The following TVP23A variants were observed in gnomAD, a reference collection of about 807,000 sequenced individuals.
TVP23A encodes Golgi apparatus membrane protein TVP23 homolog A.
Under a neutral mutation model 31.7 loss-of-function variants are expected in TVP23A, and 21 were observed. The ratio of observed to expected loss-of-function variants is 0.66; its 90% CI spans 0.47 to 0.95. TVP23A has a LOEUF of 0.95. Ranked by LOEUF, TVP23A falls within the 40% of genes least tolerant of loss-of-function variation. TVP23A has a pLI of 0.00. For missense variants in TVP23A, 279 were observed against 255.6 expected (o/e 1.09, Z -0.62); for synonymous variants, 104 against 96.0 (o/e 1.08, Z -0.49).
downstream of TVP23A, among the ~76,000 whole-genome samples, chr16:10,758,542 G>T (rs1487663285): frequency 2.6e-5 from 4 of 152,030 alleles, no homozygotes; most frequent in Non-Finnish European, 5.9e-5. Flanking sequence ...TCAACGATTT[G>T]GTTTTTTTTT....
At chr16:10,810,538 C>T (rs2034147804) in intron 2 of TVP23A, among the ~76,000 whole-genome samples, 1 of 144,578 alleles carries the variant, frequency 6.9e-6, no homozygotes, top group Non-Finnish European at 1.5e-5. Flanking sequence ...CAGAGCAAGA[C>T]CCTGTCTCAA....
chr16:10,808,064 G>GC (rs1343288958), intron 2 of TVP23A, among the ~76,000 whole-genome samples: 1 of 152,136 alleles, frequency 6.6e-6, no homozygotes, highest in Non-Finnish European at 1.5e-5. Context: ...AAGTCACTCA[G>GC]CTCTCTCTGT....
chr16:10,791,481 T>TA (rs1254303998), intron 2 of TVP23A, among the ~76,000 whole-genome samples: 1 of 152,170 alleles, frequency 6.6e-6, no homozygotes, highest in African/African-American at 2.4e-5. Flanking sequence ...GCTGCAGACA[T>TA]AGACAAGCAA....
At chr16:10,803,386 C>T (rs966293039) in intron 2 of TVP23A, among the ~76,000 whole-genome samples, 1 of 152,050 alleles carries the variant, frequency 6.6e-6, no homozygotes, top group Non-Finnish European at 1.5e-5. Flanking sequence ...TGGAGAACCT[C>T]CCATCTACCA....
Position 10,767,821 on chromosome 16 carries a change from TTCTTCATTACG to T in TVP23A, c.*1270_*1280del. ...GACCCCACTGGTCTTTTCTACTTTG[TTCTTCATTACG>T]AGTGAAGCGGGCTCAAGATCTTCCC... On this transcript the variant is annotated 3_prime_UTR_variant, in exon 8 of 8. Coordinates refer to ENST00000299866, the MANE Select transcript of TVP23A (RefSeq NM_001079512.4). The surrounding 1 kb of genome is among the most constrained non-coding windows in gnomAD (Gnocchi z 4.6). 2 of 827,492 alleles carry T rather than the reference TTCTTCATTACG, an allele frequency of 2.4e-6. No homozygotes were observed. Among genetic ancestry groups the T allele is most frequent in the South Asian group, 3.2e-5 (2 of 63,450 alleles). The allele number at this position is 827,492 out of a possible 1,614,324, so 51.3% of individuals were successfully genotyped here.
chr16:10,787,483 C>A (rs2032833892), intron 2 of TVP23A, among the ~76,000 whole-genome samples: 1 of 148,830 alleles, frequency 6.7e-6, no homozygotes, highest in Non-Finnish European at 1.5e-5. Context: ...AAGGGGCAGG[C>A]AACATGGGGC....
At position 10,818,788 on chromosome 16, in the gene TVP23A, G is replaced by A. The variant is rs2034563545; in HGVS notation, c.-295C>T. The A allele has an allele frequency of 2.2e-6, 1 of 455,314 alleles. No individual in the cohort carries two copies. Among genetic ancestry groups the A allele is most frequent in the Admixed American group, 4.4e-5 (1 of 22,616 alleles). 28.2% of individuals were successfully genotyped at this position (455,314 alleles called of 1,614,324 possible). A position where few individuals can be genotyped will look rare whatever the true frequency, so the allele number is the denominator to read the frequency against. On this transcript the variant is annotated 5_prime_UTR_variant, in exon 1 of 8. Transcript: ENST00000299866. The surrounding 1 kb of genome is among the most constrained non-coding windows in gnomAD (Gnocchi z 4.7). ...GGGGAACTGCGGACAGAGATAGTGG[G>A]AGGAATGGGAGTCGGGGGCGGGGGG... is the stretch of plus-strand genomic sequence containing the variant.
At chr16:10,778,241 G>C (rs1207965301) in intron 2 of TVP23A, among the ~76,000 whole-genome samples, 1 of 152,160 alleles carries the variant, frequency 6.6e-6, no homozygotes, top group Non-Finnish European at 1.5e-5. Context: ...GGCTGAGGCA[G>C]GAGAATCGCT....
intron 2 of TVP23A, among the ~76,000 whole-genome samples, chr16:10,785,170 C>T (rs1369110515): frequency 6.6e-6 from 1 of 151,440 alleles, no homozygotes; most frequent in East Asian, 2.0e-4. Flanking sequence ...TTTGGGAGGC[C>T]AAGGCGGGTG....
At position 10,818,481 on chromosome 16, in the gene TVP23A, C is replaced by A. The variant is rs1288561936; in HGVS notation, c.9+4G>T. The A allele has an allele frequency of 6.2e-7, 1 of 1,605,216 alleles. No individual in the cohort carries two copies. The highest frequency in any genetic ancestry group is 8.5e-7 in the Non-Finnish European group (1 of 1,178,800). On this transcript the variant is annotated splice_donor_region_variant and intron_variant, in intron 1 of 7. Transcript: ENST00000299866. This position sits in a 1 kb window ranked among gnomAD's most constrained non-coding sequence, Gnocchi z 4.7. ...CTCCAGCCCCAGCATCCCCGAGGCCCTACCTGCTTCATCACCCTCCCAGGA... is the reference window on the plus strand; with the variant it reads ...CTCCAGCCCCAGCATCCCCGAGGCCATACCTGCTTCATCACCCTCCCAGGA...
intron 2 of TVP23A, among the ~76,000 whole-genome samples, chr16:10,798,944 G>A (rs200133259): frequency 3.3e-5 from 5 of 152,206 alleles, no homozygotes; most frequent in African/African-American, 1.2e-4. Context: ...TTACAGGTGT[G>A]AGCCACCAAG....
downstream of TVP23A, among the ~76,000 whole-genome samples, chr16:10,762,904 A>AT (rs1476814609): frequency 1.3e-5 from 2 of 148,612 alleles, no homozygotes; most frequent in Admixed American, 1.3e-4. Flanking sequence ...CATGGGGAGA[A>AT]TGGGAGCCTG....
chr16:10,782,514 T>C (rs913356681), intron 2 of TVP23A, among the ~76,000 whole-genome samples: 2 of 152,082 alleles, frequency 1.3e-5, no homozygotes, highest in Middle Eastern at 3.2e-3. Flanking sequence ...TTGTTTTGTT[T>C]GTTTTTAAGA....
intron 2 of TVP23A, among the ~76,000 whole-genome samples, chr16:10,786,728 TTGGGAACCTGGTGATGACTGGGGATGGG>T: frequency 9.7e-4 from 1 of 1,028 alleles, no homozygotes; most frequent in African/African-American, 3.4e-3. Context: ...GGGATGGGCA[TTGGGAACCTGGTGATGACTGGGGATGGG>T]CATTGGGAAC....
At chr16:10,793,933 A>AG (rs2033246383) in intron 2 of TVP23A, among the ~76,000 whole-genome samples, 1 of 133,444 alleles carries the variant, frequency 7.5e-6, no homozygotes, top group African/African-American at 2.9e-5. Flanking sequence ...AAAAAAAAAA[A>AG]GTATTTTTCA....
intron 5 of TVP23A, among the ~76,000 whole-genome samples, chr16:10,772,370 T>G (rs1451836201): frequency 6.6e-6 from 1 of 152,128 alleles, no homozygotes; most frequent in Non-Finnish European, 1.5e-5. Flanking sequence ...TTGTTTTCTC[T>G]ATTTATTGAT....
downstream of TVP23A, among the ~76,000 whole-genome samples, chr16:10,762,406 C>A (rs1302872446): frequency 6.6e-6 from 1 of 152,216 alleles, no homozygotes; most frequent in Non-Finnish European, 1.5e-5. Context: ...ATGCCCACTC[C>A]CTGAGTGGCC....
chr16:10,769,192 G>A lies in TVP23A; in HGVS notation c.*1-91C>T, dbSNP rs190573534. On this transcript the variant is annotated intron_variant, in intron 7 of 7. Coordinates refer to ENST00000299866, the MANE Select transcript of TVP23A (RefSeq NM_001079512.4). Reference sequence around the variant, plus strand: ...AGCCAGACCCGACCAGCTCCGGGATGGGGTGGGTCACAGCAAAAGGACCAG... The same window carrying A: ...AGCCAGACCCGACCAGCTCCGGGATAGGGTGGGTCACAGCAAAAGGACCAG... The A allele has an allele frequency of 3.2e-4, 394 of 1,245,348 alleles. 3 individuals carry two copies. The highest frequency in any genetic ancestry group is 1.8e-3 in the Admixed American group (99 of 55,788). The allele number at this position is 1,245,348 out of a possible 1,614,324, so 77.1% of individuals were successfully genotyped here. A position where few individuals can be genotyped will look rare whatever the true frequency, so the allele number is the denominator to read the frequency against.
At chr16:10,815,408 TCAAAAA>T (rs1174017598) in intron 2 of TVP23A, among the ~76,000 whole-genome samples, 7 of 152,002 alleles carry the variant, frequency 4.6e-5, no homozygotes, top group Non-Finnish European at 7.4e-5. Flanking sequence ...AGACTCCATC[TCAAAAA>T]CAAAAACAAA....
Sources: gnomAD v4.1 joint callset for allele counts (sites outside exome capture counted in the v4.1 genomes callset) on GRCh38, gnomAD v4.1.1 for gene constraint, Gnocchi (gnomAD v3.1) non-coding constraint, MANE v1.5 for transcripts, NCBI Gene and HGNC (gene_info 2026-07-23, HGNC 2026-07-21) for gene names.